ANAPC4: variants seen among roughly 807,000 people sequenced by gnomAD.
ANAPC4 encodes the protein anaphase-promoting complex subunit 4.
In ANAPC4, 63 loss-of-function variants were observed where a neutral mutation model predicts 119.8. The ratio of observed to expected loss-of-function variants is 0.53; its 90% CI spans 0.43 to 0.65. ANAPC4 has a LOEUF of 0.65. Among genes scored for constraint, ANAPC4 ranks in the 30% least tolerant of loss-of-function variants. ANAPC4 has a pLI of 0.00. For synonymous variants in ANAPC4, 283 were observed against 318.6 expected (o/e 0.89, Z 1.19); for missense variants, 716 against 945.1 (o/e 0.76, Z 3.18).
At chr4:25,383,078 A>C (rs533238611) in intron 3 of ANAPC4, among the ~76,000 whole-genome samples, 183 bp from the exon 4 acceptor site, 1 of 152,340 alleles carries the variant, frequency 6.6e-6, no homozygotes, top group African/African-American at 2.4e-5. Flanking sequence ...AGCTTAGTTA[A>C]TGTAACTACA....
intron 4 of ANAPC4, 80 bp from the exon 5 acceptor site, chr4:25,388,420 T>C: frequency 1.0e-6 from 1 of 970,668 alleles, no homozygotes; most frequent in Non-Finnish European, 1.6e-6. Context: ...TGGGTATCTT[T>C]TTTAAAAATT....
chr4:25,415,587 GT>G, intron 26 of ANAPC4, 47 bp downstream of exon 26: 1 of 1,513,264 alleles, frequency 6.6e-7, no homozygotes. Context: ...CATGTGATAT[GT>G]GTATATGTTT....
intron 15 of ANAPC4, 31 bp from the exon 16 acceptor site, chr4:25,396,817 C>A: frequency 1.2e-6 from 2 of 1,608,756 alleles, no homozygotes; most frequent in Non-Finnish European, 1.7e-6. Flanking sequence ...ACTTATTTGA[C>A]AAATGACGTT....
At chr4:25,395,798 C>T (rs1478250448) in intron 14 of ANAPC4, among the ~76,000 whole-genome samples, 1 of 152,152 alleles carries the variant, frequency 6.6e-6, no homozygotes, top group East Asian at 1.9e-4. Flanking sequence ...GTCCCTGGCC[C>T]TAACTACATC....
At chr4:25,414,075 A>G (rs1477112437) in intron 22 of ANAPC4, 1 of 460,622 alleles carries the variant, frequency 2.2e-6, no homozygotes, top group Non-Finnish European at 3.8e-6. Context: ...ATGTGAATGA[A>G]TGGTTGTTAT....
chr4:25,411,923 G>A (rs537390445), intron 21 of ANAPC4, among the ~76,000 whole-genome samples: 42 of 152,200 alleles, frequency 2.8e-4, no homozygotes, highest in Admixed American at 2.2e-3. Flanking sequence ...GATAGTTAGC[G>A]CAGACCTCAC....
intron 14 of ANAPC4, chr4:25,395,330 A>G (rs1485799483): frequency 1.3e-5 from 2 of 153,354 alleles, no homozygotes; most frequent in African/African-American, 4.8e-5. Context: ...GGCTGGCCCA[A>G]AGTTACTAAG....
chr4:25,398,726 A>G (rs1284648370), intron 16 of ANAPC4, among the ~76,000 whole-genome samples: 1 of 152,154 alleles, frequency 6.6e-6, no homozygotes, highest in African/African-American at 2.4e-5. Context: ...GACAGAAGCC[A>G]AGAGAGAAAT....
intron 14 of ANAPC4, among the ~76,000 whole-genome samples, chr4:25,396,108 C>A (rs961378161): frequency 6.6e-6 from 1 of 152,190 alleles, no homozygotes; most frequent in Non-Finnish European, 1.5e-5. Context: ...TCAGCTCATT[C>A]ATTCCTTCAG....
intron 4 of ANAPC4, among the ~76,000 whole-genome samples, chr4:25,386,211 C>G (rs1722026586): frequency 2.0e-5 from 3 of 151,990 alleles, no homozygotes; most frequent in Middle Eastern, 6.8e-3. Flanking sequence ...CAGCGCCTGG[C>G]CTTATTTATT....
rs776189688 is a variant in ANAPC4, at chr4:25,380,489, A to G, written c.235+10A>G. 2 of 1,573,242 alleles carry G rather than the reference A, an allele frequency of 1.3e-6. No individual in the cohort carries two copies. The highest frequency in any genetic ancestry group is 1.7e-6 in the Non-Finnish European group (2 of 1,151,346). ...AGACCAGATGGCAAACGTAATGATAATATTACAAAAAAAATATGTTTTTAT... is the reference window on the plus strand; with the variant it reads ...AGACCAGATGGCAAACGTAATGATAGTATTACAAAAAAAATATGTTTTTAT... On this transcript the variant is annotated intron_variant, in intron 3 of 28. Coordinates refer to ENST00000315368, the MANE Select transcript of ANAPC4 (RefSeq NM_013367.3).
At chr4:25,417,998 A>G (rs1723976332) in intron 28 of ANAPC4, 157 bp from the exon 29 acceptor site, 4 of 876,610 alleles carry the variant, frequency 4.6e-6, no homozygotes, top group Admixed American at 6.0e-5. Flanking sequence ...AGATCTTTTT[A>G]TACAAAATGA....
intron 21 of ANAPC4, 56 bp downstream of exon 21, chr4:25,409,847 C>T (rs1204890632): frequency 1.6e-6 from 2 of 1,232,510 alleles, no homozygotes; most frequent in South Asian, 1.2e-5. Context: ...AAGACTAGGT[C>T]TTGAATAGTT....
intron 22 of ANAPC4, chr4:25,414,044 GTC>G (rs1723723948): frequency 4.3e-6 from 2 of 466,528 alleles, no homozygotes; most frequent in Admixed American, 3.9e-5. Context: ...GAGCTGATGT[GTC>G]TCTGCTTACT....
At chr4:25,379,964 A>G (rs1257027999) in intron 2 of ANAPC4, among the ~76,000 whole-genome samples, 6 of 152,228 alleles carry the variant, frequency 3.9e-5, no homozygotes, top group Non-Finnish European at 7.3e-5. Context: ...TGGTTAAGTG[A>G]TATGTCTAAG....
At chr4:25,388,976 AT>A in intron 7 of ANAPC4, 94 bp downstream of exon 7, 2 of 1,045,858 alleles carry the variant, frequency 1.9e-6, no homozygotes, top group Admixed American at 2.5e-5. Context: ...TTTATTTGCC[AT>A]TTTATTTCAT....
At chr4:25,413,232 A>G (rs1415382804) in intron 21 of ANAPC4, 1 of 154,728 alleles carries the variant, frequency 6.5e-6, no homozygotes, top group Non-Finnish European at 1.4e-5. Context: ...GCTTATTTAT[A>G]TAGAGCTAGT....
intron 16 of ANAPC4, among the ~76,000 whole-genome samples, chr4:25,398,481 C>G (rs925733155): frequency 2.0e-5 from 3 of 152,060 alleles, no homozygotes; most frequent in African/African-American, 7.2e-5. Flanking sequence ...GTTGCAGGGA[C>G]AAGGGCACTA....
intron 21 of ANAPC4, among the ~76,000 whole-genome samples, chr4:25,411,914 ATAGT>A (rs565709399): frequency 2.5e-4 from 38 of 152,244 alleles, no homozygotes; most frequent in East Asian, 1.9e-4. Context: ...CGAATTACAG[ATAGT>A]TAGCGCAGAC....
Sources: gnomAD v4.1 joint callset for allele counts (sites outside exome capture counted in the v4.1 genomes callset) on GRCh38, gnomAD v4.1.1 for gene constraint, MANE v1.5 for transcripts, NCBI Gene and HGNC (gene_info 2026-07-23, HGNC 2026-07-21) for gene names.